The following ADGRV1 variants were observed in gnomAD, a reference collection of about 807,000 sequenced individuals.
The protein encoded by ADGRV1 is G-protein coupled receptor 98.
In ADGRV1, 359 loss-of-function variants were observed where a neutral mutation model predicts 596.2. That is an observed-to-expected ratio of 0.60 (90% CI 0.55 to 0.66). The LOEUF (loss-of-function observed/expected upper bound fraction) is 0.66, where lower values mean the gene tolerates loss of function less well. Ranked by LOEUF, ADGRV1 falls within the 30% of genes least tolerant of loss-of-function variation. The pLI is 0.00. For missense variants in ADGRV1, 7,274 were observed against 7,575.6 expected, an observed-to-expected ratio of 0.96 and a Z score of 1.48; for synonymous variants, 2,681 against 2,679.2, an observed-to-expected ratio of 1.00 and a Z score of -0.02.
At chr5:90,861,521 G>A (rs1295871548) in intron 82 of ADGRV1, among the ~76,000 whole-genome samples, 2 of 151,850 alleles carry the variant, frequency 1.3e-5, no homozygotes, top group East Asian at 3.9e-4. Flanking sequence ...GTGTTAGCCA[G>A]GATGGTCTCG....
chr5:91,063,879 G>A lies in ADGRV1; in HGVS notation c.18153-8568G>A, dbSNP rs146703574. On this transcript the variant is annotated intron_variant, in intron 85 of 89. Coordinates refer to ENST00000405460, the MANE Select transcript of ADGRV1 (RefSeq NM_032119.4). The stretch of plus-strand genomic sequence containing the variant: ...GGTGGTGGTGGTGGTGGTGGTGATG[G>A]TGGTGATGCTGATGGAAGAACAACA... Among the ~76,000 whole-genome samples, 782 of 152,166 alleles carry A rather than the reference G, an allele frequency of 5.1e-3. 7 individuals are homozygous for A. Among genetic ancestry groups the A allele is most frequent in the African/African-American group, 0.018 (756 of 41,498 alleles).
At position 91,144,423 on chromosome 5, in the gene ADGRV1, GCATCCT is replaced by G. The variant is rs774296204; in HGVS notation, c.18433-5606_18433-5601del. ...TGGGCTCAAGCAATCCTCCTGCTTA[GCATCCT>G]GAGTAGCTGGGATGGCAGGTGTGTG... On this transcript the variant is annotated intron_variant, in intron 87 of 89. Coordinates refer to ENST00000405460, the MANE Select transcript of ADGRV1 (RefSeq NM_032119.4). Among the ~76,000 whole-genome samples, 390 of 152,268 alleles carry G rather than the reference GCATCCT, an allele frequency of 2.6e-3. 7 individuals carry two copies. The highest frequency in any genetic ancestry group is 7.7e-4 in the East Asian group (4 of 5,170).
At chr5:90,870,657 C>G (rs941204768) in intron 83 of ADGRV1, among the ~76,000 whole-genome samples, 8 of 152,008 alleles carry the variant, frequency 5.3e-5, no homozygotes, top group African/African-American at 1.9e-4. Context: ...GCTACCAGAC[C>G]ACACCTGTGA....
Position 90,694,007 on chromosome 5 carries a change from G to C in ADGRV1, c.7251G>C (p.Gly2417=), listed in dbSNP as rs1166746381. The change falls in exon 33 of 90, where the codon GGG becomes GGC. Residue 2417 remains glycine (G), a synonymous_variant. Transcript: ENST00000405460. ...LLSYYESPIQ[G]VPDPLWRTWM... Reference sequence around the variant, plus strand: ...CCTACTATGAATCTCCAATTCAAGGGGTGCCTGACCCACTTTGGAGAACTT... The same window carrying C: ...CCTACTATGAATCTCCAATTCAAGGCGTGCCTGACCCACTTTGGAGAACTT... The C allele has an allele frequency of 6.2e-7, 1 of 1,613,656 alleles. No individual in the cohort carries two copies. Among genetic ancestry groups the C allele is most frequent in the Admixed American group, 1.7e-5 (1 of 59,920 alleles).
intron 68 of ADGRV1, 22 bp from the exon 69 acceptor site, chr5:90,789,680 C>A (rs554260383): frequency 2.5e-5 from 36 of 1,421,966 alleles, no homozygotes; most frequent in Middle Eastern, 1.9e-4. Flanking sequence ...AAATTATTTT[C>A]TCTGTTGTTT....
chr5:91,088,552 T>A (rs887288629), intron 86 of ADGRV1, among the ~76,000 whole-genome samples: 2 of 152,108 alleles, frequency 1.3e-5, no homozygotes, highest in South Asian at 4.1e-4. Context: ...ACCAAAAAAC[T>A]GTATGGCTGC....
chr5:90,811,749 CA>C (rs1277097240), intron 74 of ADGRV1, among the ~76,000 whole-genome samples: 1 of 150,028 alleles, frequency 6.7e-6, no homozygotes, highest in Admixed American at 6.6e-5. Flanking sequence ...TTTCTGTTAC[CA>C]AAAAGATTTA....
intron 83 of ADGRV1, among the ~76,000 whole-genome samples, chr5:90,897,193 T>A (rs1771408251): frequency 6.6e-6 from 1 of 152,256 alleles, no homozygotes. Flanking sequence ...ATTGAATATA[T>A]ACTTACATAT....
intron 59 of ADGRV1, among the ~76,000 whole-genome samples, chr5:90,765,157 C>T (rs1249790811): frequency 6.6e-6 from 1 of 152,226 alleles, no homozygotes; most frequent in Non-Finnish European, 1.5e-5. Flanking sequence ...CTGTTCAGAA[C>T]TGGGCCTTTC....
intron 85 of ADGRV1, among the ~76,000 whole-genome samples, chr5:91,049,515 A>G (rs1786126539): frequency 2.6e-5 from 4 of 152,316 alleles, no homozygotes; most frequent in Admixed American, 2.6e-4. Context: ...ATGATTAAAT[A>G]CTTAACTAAA....
chr5:90,825,355 C>G (rs1763985096), intron 76 of ADGRV1, among the ~76,000 whole-genome samples: 1 of 152,126 alleles, frequency 6.6e-6, no homozygotes, highest in African/African-American at 2.4e-5. Context: ...TTATCTGTTC[C>G]TTTCCTATGG....
chr5:90,663,558 AG>A (rs1770762560), intron 21 of ADGRV1, among the ~76,000 whole-genome samples: 1 of 151,962 alleles, frequency 6.6e-6, no homozygotes, highest in Non-Finnish European at 1.5e-5. Flanking sequence ...CCCATTTTGT[AG>A]GTTGCCTGTT....
intron 83 of ADGRV1, among the ~76,000 whole-genome samples, chr5:90,915,074 A>G (rs1022989058): frequency 2.6e-5 from 4 of 152,170 alleles, no homozygotes; most frequent in South Asian, 2.1e-4. Context: ...TTTTCCTTCA[A>G]TTATTTTGTT....
chr5:91,007,818 C>A (rs891532738), intron 85 of ADGRV1, among the ~76,000 whole-genome samples: 3 of 152,166 alleles, frequency 2.0e-5, no homozygotes, highest in Non-Finnish European at 4.4e-5. Flanking sequence ...TCGTTCTTTG[C>A]CACTTTTCTA....
chr5:90,853,900 A>G (rs930860087), intron 80 of ADGRV1, among the ~76,000 whole-genome samples, 162 bp from the exon 81 acceptor site: 5 of 152,186 alleles, frequency 3.3e-5, no homozygotes, highest in Non-Finnish European at 7.3e-5. Flanking sequence ...CACAATGGAA[A>G]ACCAATCAGA....
chr5:90,663,280 C>A (rs1177357857), intron 21 of ADGRV1, among the ~76,000 whole-genome samples: 1 of 146,120 alleles, frequency 6.8e-6, no homozygotes, highest in Non-Finnish European at 1.5e-5. Flanking sequence ...CCTGTTGTTT[C>A]CTGACTTTTT....
intron 36 of ADGRV1, among the ~76,000 whole-genome samples, chr5:90,704,813 T>G (rs1748379540): frequency 6.6e-6 from 1 of 150,692 alleles, no homozygotes; most frequent in Non-Finnish European, 1.5e-5. Context: ...TAAATCAAAT[T>G]TAGTCTTTTT....
intron 60 of ADGRV1, 70 bp downstream of exon 60, chr5:90,774,373 T>C: frequency 1.2e-6 from 1 of 869,350 alleles, no homozygotes; most frequent in Non-Finnish European, 1.9e-6. Flanking sequence ...AAATAACCCG[T>C]AGTTACAAAA....
chr5:90,950,371 G>C (rs911934671), intron 83 of ADGRV1, among the ~76,000 whole-genome samples: 2 of 152,080 alleles, frequency 1.3e-5, no homozygotes, highest in Non-Finnish European at 2.9e-5. Flanking sequence ...ATCCATGCTG[G>C]AGTGCAGTGG....
Sources: allele counts gnomAD v4.1 joint callset (sites outside exome capture counted in the v4.1 genomes callset), GRCh38; gene constraint gnomAD v4.1.1; transcripts MANE v1.5; gene names NCBI Gene and HGNC (gene_info 2026-07-23, HGNC 2026-07-21).